Variants in TRIM33 observed in about 807,000 individuals in gnomAD.
The protein encoded by TRIM33 is tripartite motif containing 33.
Under a neutral mutation model 125.4 loss-of-function variants are expected in TRIM33, and 20 were observed. The ratio of observed to expected loss-of-function variants is 0.16; its 90% CI spans 0.11 to 0.23. The LOEUF is 0.23. TRIM33 is among the 10% of genes least tolerant of loss of function. The pLI is 1.00. For missense variants in TRIM33, 920 were observed against 1,411.4 expected (o/e 0.65, Z 5.58); for synonymous variants, 564 against 513.9 (o/e 1.10, Z -1.32).
intron 4 of TRIM33, among the ~76,000 whole-genome samples, chr1:114,440,010 C>T (rs1158670852): frequency 6.6e-6 from 1 of 152,132 alleles, no homozygotes; most frequent in Admixed American, 6.5e-5. Context: ...CAGTCCGTCA[C>T]CACAAAGCAG....
At chr1:114,406,525 T>A (rs1329812040) in intron 14 of TRIM33, among the ~76,000 whole-genome samples, 1 of 152,224 alleles carries the variant, frequency 6.6e-6, no homozygotes, top group Non-Finnish European at 1.5e-5. Flanking sequence ...ACAAACTTCC[T>A]ATCACAAAAC....
chr1:114,445,394 T>C (rs1648915912), intron 4 of TRIM33, among the ~76,000 whole-genome samples: 1 of 152,018 alleles, frequency 6.6e-6, no homozygotes, highest in Non-Finnish European at 1.5e-5. Context: ...AGCACTGCCA[T>C]GCCTGGCTAA....
Position 114,478,314 on chromosome 1 carries a change from G to C in TRIM33, c.527-13926C>G, listed in dbSNP as rs149017558. ...CACGGTAGAATCAATTGGGGAGAGA[G>C]GTGAATGCGAAAACATGAGATTTGC... On this transcript the variant is annotated intron_variant, in intron 1 of 19. Transcript: ENST00000358465. Among the ~76,000 whole-genome samples the C allele has an allele frequency of 2.4e-3, 365 of 152,292 alleles. 4 individuals carry two copies. Among genetic ancestry groups the C allele is most frequent in the African/African-American group, 8.2e-3 (342 of 41,544 alleles).
At chr1:114,398,743 T>C (rs1294794697) in intron 18 of TRIM33, among the ~76,000 whole-genome samples, 7 of 151,520 alleles carry the variant, frequency 4.6e-5, no homozygotes, top group Admixed American at 3.9e-4. Flanking sequence ...TTTTAAAAGA[T>C]TTTGTGGATT....
At chr1:114,400,142 T>C (rs1651783599) in intron 17 of TRIM33, among the ~76,000 whole-genome samples, 1 of 152,176 alleles carries the variant, frequency 6.6e-6, no homozygotes. Flanking sequence ...ACCCCAACTC[T>C]GGCGAAAAAT....
intron 4 of TRIM33, among the ~76,000 whole-genome samples, chr1:114,434,054 C>T (rs79232375): frequency 0.063 from 9,526 of 152,184 alleles, 319 homozygotes; most frequent in African/African-American, 0.086. Flanking sequence ...AATCATAAAG[C>T]GTAACCACAT....
chr1:114,422,168 G>A (rs1456872799), intron 10 of TRIM33, among the ~76,000 whole-genome samples: 1 of 152,094 alleles, frequency 6.6e-6, no homozygotes, highest in Non-Finnish European at 1.5e-5. Context: ...CATTGTGAGG[G>A]CTGTTATGAG....
intron 1 of TRIM33, among the ~76,000 whole-genome samples, chr1:114,471,152 T>C (rs1177821596): frequency 1.3e-5 from 2 of 152,142 alleles, no homozygotes; most frequent in African/African-American, 4.8e-5. Context: ...ATATGAATGA[T>C]AAGAAAGCAA....
At chr1:114,440,387 G>C (rs1463884920) in intron 4 of TRIM33, among the ~76,000 whole-genome samples, 5 of 151,458 alleles carry the variant, frequency 3.3e-5, no homozygotes, top group South Asian at 2.1e-4. Flanking sequence ...AAGGAAAGAG[G>C]AAAGTTCATA....
intron 4 of TRIM33, among the ~76,000 whole-genome samples, chr1:114,453,981 C>G (rs971952039): frequency 6.6e-6 from 1 of 152,220 alleles, no homozygotes; most frequent in Admixed American, 6.5e-5. Flanking sequence ...TGATTTTAAT[C>G]TGTATCCTTT....
rs1223278243 is a variant in TRIM33 at position 114,427,913 on chromosome 1, T to C, written c.1156-19A>G. ...TAACATTCTGAAACAGAACAAGAGC[T>C]TCGCTGTAGAATTCCATATGAAAAA... On this transcript the variant is annotated intron_variant, in intron 6 of 19. Transcript: ENST00000358465. 11 of 1,612,212 alleles carry C rather than the reference T, an allele frequency of 6.8e-6. No homozygotes were observed. The South Asian group carries it at 1.1e-4, about 16-fold the overall frequency.
intron 8 of TRIM33, 47 bp downstream of exon 8, chr1:114,427,130 C>A: frequency 1.1e-6 from 1 of 893,938 alleles, no homozygotes; most frequent in South Asian, 1.7e-5. Flanking sequence ...TTTTCTCCTT[C>A]TAATTCAGTG....
chr1:114,454,970 G>A (rs1649537711), intron 4 of TRIM33, among the ~76,000 whole-genome samples: 1 of 152,144 alleles, frequency 6.6e-6, no homozygotes, highest in Admixed American at 6.5e-5. Flanking sequence ...TCATTTTGTT[G>A]ATCAACACTA....
chr1:114,482,598 T>C (rs1293089810), intron 1 of TRIM33, among the ~76,000 whole-genome samples: 1 of 152,152 alleles, frequency 6.6e-6, no homozygotes, highest in Non-Finnish European at 1.5e-5. Context: ...GTTACTGATA[T>C]GGTTTGGATT....
At chr1:114,413,971 C>T (rs1028976601) in intron 11 of TRIM33, among the ~76,000 whole-genome samples, 6 of 150,626 alleles carry the variant, frequency 4.0e-5, no homozygotes, top group Non-Finnish European at 8.8e-5. Context: ...CCAGCCTCGG[C>T]AAAAGAGTGA....
chr1:114,403,032 G>T, intron 15 of TRIM33, 149 bp from the exon 16 acceptor site: 2 of 761,444 alleles, frequency 2.6e-6, no homozygotes, highest in Non-Finnish European at 4.0e-6. Flanking sequence ...GTCAGGTGAA[G>T]TCATGTGATT....
chr1:114,495,703 G>A (rs1159836262), intron 1 of TRIM33, among the ~76,000 whole-genome samples: 1 of 152,080 alleles, frequency 6.6e-6, no homozygotes, highest in African/African-American at 2.4e-5. Flanking sequence ...AGAGAAAATT[G>A]GATGGATGTC....
chr1:114,443,858 C>A (rs1006119533), intron 4 of TRIM33, among the ~76,000 whole-genome samples: 1 of 151,128 alleles, frequency 6.6e-6, no homozygotes, highest in South Asian at 2.1e-4. Flanking sequence ...CACAGTGAGA[C>A]CCTGTTTCTT....
At chr1:114,424,313 C>T (rs1293797667) in intron 10 of TRIM33, among the ~76,000 whole-genome samples, 1 of 152,050 alleles carries the variant, frequency 6.6e-6, no homozygotes, top group African/African-American at 2.4e-5. Context: ...GTAAAATCAC[C>T]AGCTCATTAG....
Sources: allele counts gnomAD v4.1 joint callset (sites outside exome capture counted in the v4.1 genomes callset), GRCh38; gene constraint gnomAD v4.1.1; transcripts MANE v1.5; gene names NCBI Gene and HGNC (gene_info 2026-07-23, HGNC 2026-07-21).